EPHA6: variants seen among roughly 807,000 people sequenced by gnomAD.
EPHA6 encodes EPH receptor A6.
A neutral mutation model predicts 112.0 loss-of-function variants in EPHA6; 50 were observed. The observed-to-expected ratio is 0.45, with a 90% CI of 0.36 to 0.56. EPHA6 has a LOEUF of 0.56. Ranked by LOEUF, EPHA6 falls within the 20% of genes least tolerant of loss-of-function variation. The pLI, the probability that EPHA6 is intolerant of heterozygous loss-of-function variation, is 0.00. For missense variants in EPHA6, 1,280 were observed against 1,417.4 expected (o/e 0.90, Z 1.56); for synonymous variants, 529 against 490.7 (o/e 1.08, Z -1.03).
intron 2 of EPHA6, among the ~76,000 whole-genome samples, chr3:96,952,451 G>A (rs1378045154): frequency 3.9e-5 from 6 of 152,250 alleles, no homozygotes; most frequent in Admixed American, 2.6e-4. Flanking sequence ...TAGTTCTTGT[G>A]AGAGTAGGTT....
intron 3 of EPHA6, among the ~76,000 whole-genome samples, chr3:97,005,262 C>T (rs1475165066): frequency 1.3e-5 from 2 of 151,942 alleles, no homozygotes; most frequent in East Asian, 3.9e-4. Context: ...GGAATGTTTT[C>T]CCATTTGTTT....
chr3:97,686,383 G>T (rs1474861690), intron 14 of EPHA6, among the ~76,000 whole-genome samples: 4 of 152,024 alleles, frequency 2.6e-5, no homozygotes, highest in African/African-American at 7.2e-5. Context: ...ATTCCTGGTA[G>T]ATGGCAGGTA....
intron 2 of EPHA6, among the ~76,000 whole-genome samples, chr3:96,871,628 T>G (rs1050923256): frequency 6.6e-6 from 1 of 152,074 alleles, no homozygotes; most frequent in Non-Finnish European, 1.5e-5. Context: ...TGTACACTCA[T>G]TTATTTAATC....
intron 2 of EPHA6, among the ~76,000 whole-genome samples, chr3:96,918,487 C>G (rs955311632): frequency 6.6e-6 from 1 of 152,020 alleles, no homozygotes; most frequent in African/African-American, 2.4e-5. Context: ...CTTGACCATT[C>G]AGTGATGGTA....
chr3:97,053,768 C>T (rs907928673), intron 3 of EPHA6, among the ~76,000 whole-genome samples: 15 of 151,950 alleles, frequency 9.9e-5, no homozygotes, highest in Admixed American at 5.9e-4. Flanking sequence ...TACATTTATC[C>T]GAATGAGGGA....
chr3:97,641,137 G>C (rs1163767617), intron 14 of EPHA6, among the ~76,000 whole-genome samples: 1 of 152,080 alleles, frequency 6.6e-6, no homozygotes, highest in African/African-American at 2.4e-5. Context: ...AATGGTATTA[G>C]ATTACAAAGC....
At chr3:96,945,144 TC>T (rs1313874620) in intron 2 of EPHA6, among the ~76,000 whole-genome samples, 4 of 152,202 alleles carry the variant, frequency 2.6e-5, no homozygotes, top group African/African-American at 9.6e-5. Flanking sequence ...TAAAAATATA[TC>T]CAGAATTTGA....
intron 2 of EPHA6, among the ~76,000 whole-genome samples, chr3:96,937,961 G>A (rs1262602910): frequency 2.0e-5 from 3 of 152,090 alleles, no homozygotes; most frequent in Non-Finnish European, 4.4e-5. Context: ...TGTTCCATTG[G>A]TCTATATCTC....
intron 15 of EPHA6, among the ~76,000 whole-genome samples, chr3:97,734,140 A>G (rs1435674376): frequency 6.6e-6 from 1 of 152,104 alleles, no homozygotes; most frequent in East Asian, 1.9e-4. Context: ...CAAAGTGCAT[A>G]GCACATGGTA....
intron 5 of EPHA6, among the ~76,000 whole-genome samples, chr3:97,395,709 C>T (rs969069701): frequency 2.0e-5 from 3 of 151,386 alleles, no homozygotes; most frequent in Non-Finnish European, 4.4e-5. Context: ...TTAAAACACA[C>T]CTACACACAC....
chr3:97,068,917 G>A (rs2046267540), intron 3 of EPHA6, among the ~76,000 whole-genome samples: 1 of 152,152 alleles, frequency 6.6e-6, no homozygotes, highest in South Asian at 2.1e-4. Context: ...CCAGAAATGT[G>A]AGAAATAAAT....
intron 2 of EPHA6, among the ~76,000 whole-genome samples, chr3:96,877,278 ATT>A (rs1221779961): frequency 1.3e-5 from 2 of 152,070 alleles, no homozygotes; most frequent in East Asian, 3.9e-4. Context: ...ATTTGCTCTC[ATT>A]TTTTGTATTT....
intron 13 of EPHA6, among the ~76,000 whole-genome samples, chr3:97,622,182 C>T (rs1040849188): frequency 6.6e-6 from 1 of 151,736 alleles, no homozygotes; most frequent in Non-Finnish European, 1.5e-5. Flanking sequence ...ATTTATCTGG[C>T]AAAACTGAAA....
intron 3 of EPHA6, among the ~76,000 whole-genome samples, chr3:97,087,747 G>C (rs1226026647): frequency 1.2e-4 from 18 of 152,142 alleles, no homozygotes; most frequent in Admixed American, 3.3e-4. Context: ...AGACCAAAGA[G>C]AAGATCTCAC....
In EPHA6 at chr3:96,978,321, A is replaced by C. The variant is rs576704852; in HGVS notation, c.451-9009A>C. 3.7e-3 allele frequency among the ~76,000 whole-genome samples: 568 copies of C among 152,318 alleles called. 17 individuals are homozygous for C. The highest frequency in any genetic ancestry group is 1.0e-3 in the Non-Finnish European group (71 of 68,028). On this transcript the variant is annotated intron_variant, in intron 2 of 17. Coordinates refer to ENST00000389672, the MANE Select transcript of EPHA6 (RefSeq NM_001080448.3). ...TTGGTCTTGCTGTTTCAGAGGTGGCAGAGGCTGAAGAAAATTCATTGTAAG... is the reference window on the plus strand; with the variant it reads ...TTGGTCTTGCTGTTTCAGAGGTGGCCGAGGCTGAAGAAAATTCATTGTAAG...
intron 3 of EPHA6, among the ~76,000 whole-genome samples, chr3:97,123,107 CA>C (rs2048088056): frequency 6.6e-6 from 1 of 151,714 alleles, no homozygotes; most frequent in African/African-American, 2.4e-5. Flanking sequence ...ATCACTTATC[CA>C]AAGGTAAATG....
At chr3:97,334,064 GT>G (rs2082935039) in intron 5 of EPHA6, among the ~76,000 whole-genome samples, 1 of 151,982 alleles carries the variant, frequency 6.6e-6, no homozygotes, top group Non-Finnish European at 1.5e-5. Flanking sequence ...ATATAATCAT[GT>G]TTTTATTTTT....
intron 3 of EPHA6, among the ~76,000 whole-genome samples, chr3:97,215,229 ACTG>A (rs1476820065): frequency 4.6e-5 from 7 of 152,336 alleles, no homozygotes. Flanking sequence ...GCCTAAAAAC[ACTG>A]CTAACAATAT....
At chr3:96,985,295 G>A (rs2042977284) in intron 2 of EPHA6, among the ~76,000 whole-genome samples, 2 of 152,074 alleles carry the variant, frequency 1.3e-5, no homozygotes, top group Non-Finnish European at 2.9e-5. Context: ...GAAATCAATT[G>A]TAATTATAAA....
Sources: allele counts gnomAD v4.1 joint callset (sites outside exome capture counted in the v4.1 genomes callset), GRCh38; gene constraint gnomAD v4.1.1; transcripts MANE v1.5; gene names NCBI Gene and HGNC (gene_info 2026-07-23, HGNC 2026-07-21).